SEL1L2: variants seen among roughly 807,000 people sequenced by gnomAD.
The protein encoded by SEL1L2 is protein sel-1 homolog 2.
Under a neutral mutation model 98.8 loss-of-function variants are expected in SEL1L2, and 89 were observed. That is an observed-to-expected ratio of 0.90 (90% CI 0.76 to 1.07). The LOEUF is 1.07. Among genes scored for constraint, SEL1L2 ranks in the 50% least tolerant of loss-of-function variants. The pLI is 0.00. For synonymous variants in SEL1L2, 262 were observed against 278.5 expected (o/e 0.94, Z 0.59); for missense variants, 788 against 812.0 (o/e 0.97, Z 0.36).
chr20:13,936,369 C>T (rs1356347668), intron 2 of SEL1L2, among the ~76,000 whole-genome samples: 2 of 152,078 alleles, frequency 1.3e-5, no homozygotes, highest in Non-Finnish European at 2.9e-5. Flanking sequence ...TGACAGGGGC[C>T]CAAATTCTGC....
At chr20:13,976,977 A>G (rs1330928988) in intron 1 of SEL1L2, among the ~76,000 whole-genome samples, 1 of 152,198 alleles carries the variant, frequency 6.6e-6, no homozygotes, top group African/African-American at 2.4e-5. Flanking sequence ...ACTGAATTAA[A>G]TGATACTTAG....
chr20:13,945,483 TAC>T (rs2049966089), intron 2 of SEL1L2, among the ~76,000 whole-genome samples: 1 of 150,354 alleles, frequency 6.7e-6, no homozygotes, highest in Non-Finnish European at 1.5e-5. Flanking sequence ...TTTTAATATA[TAC>T]ATATATATAT....
At chr20:13,852,510 C>CA (rs1403300585) in intron 18 of SEL1L2, among the ~76,000 whole-genome samples, 1 of 152,022 alleles carries the variant, frequency 6.6e-6, no homozygotes, top group East Asian at 1.9e-4. Flanking sequence ...GTCATGCAAA[C>CA]AAAAAAATCT....
At chr20:13,913,248 G>C (rs2048275232) in intron 5 of SEL1L2, among the ~76,000 whole-genome samples, 2 of 152,228 alleles carry the variant, frequency 1.3e-5, no homozygotes, top group Non-Finnish European at 2.9e-5. Flanking sequence ...TGAAGTGAAA[G>C]TAGCCAGAAG....
chr20:13,890,643 C>T (rs1343310842), intron 5 of SEL1L2, among the ~76,000 whole-genome samples: 1 of 151,840 alleles, frequency 6.6e-6, no homozygotes, highest in Non-Finnish European at 1.5e-5. Flanking sequence ...AAAAGATGGT[C>T]CTATGAAAGG....
intron 18 of SEL1L2, among the ~76,000 whole-genome samples, chr20:13,855,937 CT>C (rs1350573610): frequency 6.6e-6 from 1 of 152,202 alleles, no homozygotes; most frequent in Non-Finnish European, 1.5e-5. Context: ...ACAGAGTCAT[CT>C]CGGTCACAGA....
intron 5 of SEL1L2, among the ~76,000 whole-genome samples, chr20:13,896,882 T>C (rs1011796424): frequency 1.2e-4 from 19 of 152,292 alleles, no homozygotes; most frequent in Non-Finnish European, 2.4e-4. Flanking sequence ...ATCAATGTTA[T>C]TTTTTGCAGA....
intron 1 of SEL1L2, among the ~76,000 whole-genome samples, chr20:13,957,481 C>T (rs1344801735): frequency 6.6e-6 from 1 of 152,234 alleles, no homozygotes; most frequent in African/African-American, 2.4e-5. Flanking sequence ...CACAATTATA[C>T]ATCTGTTGTG....
chr20:13,857,752 T>A (rs563440761), intron 18 of SEL1L2, among the ~76,000 whole-genome samples: 1 of 152,320 alleles, frequency 6.6e-6, no homozygotes, highest in South Asian at 2.1e-4. Flanking sequence ...GAGAAAGGCT[T>A]TAATCTTATT....
intron 19 of SEL1L2, 80 bp from the exon 20 acceptor site, chr20:13,849,684 C>A: frequency 6.6e-7 from 1 of 1,518,450 alleles, no homozygotes. Context: ...CCCAAACCCA[C>A]CACCACCAAC....
intron 10 of SEL1L2, among the ~76,000 whole-genome samples, chr20:13,879,504 C>A (rs1216275391): frequency 2.0e-5 from 3 of 151,956 alleles, no homozygotes; most frequent in Admixed American, 1.3e-4. Context: ...GGTGCGTGAC[C>A]ACCACAACTG....
At chr20:13,853,712 T>G (rs1988684200) in intron 18 of SEL1L2, among the ~76,000 whole-genome samples, 1 of 152,200 alleles carries the variant, frequency 6.6e-6, no homozygotes, top group Non-Finnish European at 1.5e-5. Flanking sequence ...TTATATGACT[T>G]GCAAGTGGCA....
intron 1 of SEL1L2, among the ~76,000 whole-genome samples, chr20:13,985,534 T>C (rs572870048): frequency 8.5e-4 from 130 of 152,340 alleles, no homozygotes; most frequent in Non-Finnish European, 1.7e-3. Flanking sequence ...CTGTAAATGC[T>C]TCTGTTTTAT....
intron 10 of SEL1L2, among the ~76,000 whole-genome samples, chr20:13,882,100 A>G (rs1408552326): frequency 6.6e-6 from 1 of 152,226 alleles, no homozygotes; most frequent in Non-Finnish European, 1.5e-5. Flanking sequence ...ATGTACAATT[A>G]TTATGAGTCA....
intron 4 of SEL1L2, among the ~76,000 whole-genome samples, chr20:13,916,840 T>A: frequency 6.6e-6 from 1 of 151,580 alleles, no homozygotes; most frequent in Non-Finnish European, 1.5e-5. Context: ...GGAGACTGAG[T>A]TTTGGGGCAA....
chr20:13,887,810 C>G lies in SEL1L2; in HGVS notation c.704G>C (p.Cys235Ser). The change falls in exon 8 of 20, where the codon TGT (cysteine) becomes TCT (serine). Residue 235 changes from cysteine (C) to serine (S), a missense_variant. Physicochemically the swap from Cys to Ser is moderately radical, Grantham distance 112. Coordinates refer to ENST00000284951, the MANE Select transcript of SEL1L2 (RefSeq NM_025229.2). Reference sequence around the variant, plus strand: ...CTTGTAATAACTTAGGGCAACTTCACAATTCTGTAGAACATTGATTCCCGA... The same window carrying G: ...CTTGTAATAACTTAGGGCAACTTCAGAATTCTGTAGAACATTGATTCCCGA... The part of the protein sequence containing the change: ...YLSGINVLQN[C>S]EVALSYYKKV... The G allele has an allele frequency of 6.2e-7, 1 of 1,613,368 alleles. No homozygotes were observed. The highest frequency in any genetic ancestry group is 8.5e-7 in the Non-Finnish European group (1 of 1,179,530).
intron 1 of SEL1L2, among the ~76,000 whole-genome samples, chr20:13,964,739 C>CT (rs975599139): frequency 6.6e-6 from 1 of 152,016 alleles, no homozygotes; most frequent in Non-Finnish European, 1.5e-5. Flanking sequence ...ATCTCTGCTT[C>CT]TTAATAGTCT....
intron 3 of SEL1L2, among the ~76,000 whole-genome samples, chr20:13,930,868 C>T (rs1407385600): frequency 6.6e-6 from 1 of 151,240 alleles, no homozygotes; most frequent in Non-Finnish European, 1.5e-5. Flanking sequence ...CAGAAGAACA[C>T]ATTTTGTGAT....
At chr20:13,919,672 A>G (rs1362025582) in intron 3 of SEL1L2, among the ~76,000 whole-genome samples, 1 of 152,120 alleles carries the variant, frequency 6.6e-6, no homozygotes, top group East Asian at 1.9e-4. Flanking sequence ...TAATCCCAAC[A>G]CTTTGGGAGG....
Sources: allele counts gnomAD v4.1 joint callset (sites outside exome capture counted in the v4.1 genomes callset), GRCh38; gene constraint gnomAD v4.1.1; transcripts MANE v1.5; gene names NCBI Gene and HGNC (gene_info 2026-07-23, HGNC 2026-07-21).